KCTD2: variants seen among roughly 807,000 people sequenced by gnomAD.
The protein encoded by KCTD2 is potassium channel tetramerization domain containing 2.
In KCTD2, 18 loss-of-function variants were observed where a neutral mutation model predicts 27.9. That is an observed-to-expected ratio of 0.64 (90% CI 0.45 to 0.96). The LOEUF is 0.96. Ranked by LOEUF, KCTD2 falls within the 40% of genes least tolerant of loss-of-function variation. The pLI is 0.00. For synonymous variants in KCTD2, 175 were observed against 148.4 expected, an observed-to-expected ratio of 1.18 and a Z score of -1.30; for missense variants, 280 against 348.0, an observed-to-expected ratio of 0.80 and a Z score of 1.56.
At chr17:75,042,783 C>T, upstream of KCTD2, 1 of 1,027,956 alleles carries the variant, frequency 9.7e-7, no homozygotes, top group Non-Finnish European at 1.4e-6. Flanking sequence ...ACATGCAAGT[C>T]TTCACAAGAA....
At position 75,059,515 on chromosome 17, in the gene KCTD2, C is replaced by T. The variant is rs146827625; in HGVS notation, c.546C>T (p.Pro182=). Residue 182 remains proline, a synonymous_variant, in exon 4 of 6, where the codon CCC becomes CCT. Coordinates refer to ENST00000322444, the MANE Select transcript of KCTD2 (RefSeq NM_015353.3). ...TCTGCGCCTGGTCATTGCAGGGCCCCGTGAAGCACGTGTACAGAGTCCTGC... is the reference window on the plus strand; with the variant it reads ...TCTGCGCCTGGTCATTGCAGGGCCCTGTGAAGCACGTGTACAGAGTCCTGC... ...RDNENRTSQG[P]VKHVYRVLQC... is the part of the protein sequence containing the mutation. 1.2e-6 allele frequency: 2 copies of T among 1,611,844 alleles called. No homozygotes were observed. The highest frequency in any genetic ancestry group is 8.5e-7 in the Non-Finnish European group (1 of 1,178,556).
intron 3 of KCTD2, among the ~76,000 whole-genome samples, chr17:75,053,446 T>TG (rs2073312821): frequency 7.5e-6 from 1 of 133,158 alleles, no homozygotes; most frequent in Non-Finnish European, 1.5e-5. Context: ...TTGGCCGCTC[T>TG]TTTTTTTTTT....
In KCTD2 at chr17:75,060,702, C is replaced by A; in HGVS notation, c.636+1097C>A. 4.8e-6 allele frequency: 5 copies of A among 1,037,610 alleles called. No individual in the cohort carries two copies. In the South Asian group the frequency reaches 8.5e-5, roughly 18 times the overall value. The allele number at this position is 1,037,610 out of a possible 1,614,324, so 64.3% of individuals were successfully genotyped here. ...GTCAGGCTGCACTCAGGGTCTCGGT[C>A]GCCGCCACTCGCCACCCTGGGATCA... On this transcript the variant is annotated intron_variant, in intron 4 of 5. Transcript: ENST00000322444.
At chr17:75,056,945 C>CTTTTTTT (rs1437630711) in intron 3 of KCTD2, among the ~76,000 whole-genome samples, 2 of 128,490 alleles carry the variant, frequency 1.6e-5, no homozygotes, top group Admixed American at 8.7e-5. Flanking sequence ...CTTTTTTTTT[C>CTTTTTTT]TTTTTTCTTT....
chr17:75,060,879 G>A (rs1206589572), intron 4 of KCTD2, among the ~76,000 whole-genome samples: 1 of 152,218 alleles, frequency 6.6e-6, no homozygotes, highest in Non-Finnish European at 1.5e-5. Flanking sequence ...GTGCAAAGCT[G>A]TCTCTGCCTT....
chr17:75,033,969 A>C (rs1216824796), intron 1 of KCTD2: 1 of 152,268 alleles, frequency 6.6e-6, no homozygotes, highest in East Asian at 1.9e-4. Flanking sequence ...TTCGAGTCCC[A>C]CCTGGGGTAG....
At chr17:75,044,870 G>A (rs1474357889), upstream of KCTD2, among the ~76,000 whole-genome samples, 1 of 152,160 alleles carries the variant, frequency 6.6e-6, no homozygotes, top group Non-Finnish European at 1.5e-5. Context: ...TCAAACACCT[G>A]TCCTGTCCTT....
intron 2 of KCTD2, among the ~76,000 whole-genome samples, chr17:75,049,836 T>C (rs1167739197): frequency 3.3e-5 from 5 of 152,234 alleles, no homozygotes; most frequent in Non-Finnish European, 5.9e-5. Context: ...GGTGTATCAT[T>C]ACTTGCCTCA....
chr17:75,034,028 C>T (rs1390743392), intron 1 of KCTD2: 1 of 152,200 alleles, frequency 6.6e-6, no homozygotes, highest in Non-Finnish European at 1.5e-5. Context: ...CTCTTCCCTT[C>T]TCAGGGATGC....
chr17:75,056,372 T>TA lies in KCTD2; in HGVS notation c.541-3131dup, dbSNP rs566826511. On this transcript the variant is annotated intron_variant, in intron 3 of 5. Transcript: ENST00000322444. The stretch of plus-strand genomic sequence containing the variant: ...GCCTTATCCTCAGTTTCCCACATTC[T>TA]AAAAAAATGATTGCTTACTATAGAT... Among the ~76,000 whole-genome samples, 6 of 152,160 alleles carry TA rather than the reference T, an allele frequency of 3.9e-5. No homozygotes were observed. In the South Asian group the frequency reaches 1.0e-3, roughly 26 times the overall value.
chr17:75,062,032 TCA>T, intron 4 of KCTD2, 86 bp from the exon 5 acceptor site: 1 of 1,479,710 alleles, frequency 6.8e-7, no homozygotes, highest in Non-Finnish European at 9.3e-7. Context: ...ACTTAAAAGT[TCA>T]GTCGGAAGAG....
chr17:75,037,998 G>A (rs143909039), intron 3 of KCTD2, among the ~76,000 whole-genome samples: 21 of 152,068 alleles, frequency 1.4e-4, no homozygotes, highest in African/African-American at 3.6e-4. Context: ...GCAGTGAGCC[G>A]AGATCGTCCC....
intron 2 of KCTD2, among the ~76,000 whole-genome samples, chr17:75,034,734 C>T (rs2040098283): frequency 6.6e-6 from 1 of 151,980 alleles, no homozygotes; most frequent in African/African-American, 2.4e-5. Flanking sequence ...AAGTGCTCGG[C>T]GAGCGCAGAG....
At chr17:75,033,673 A>G (rs1483405881) in intron 1 of KCTD2, among the ~76,000 whole-genome samples, 2 of 152,220 alleles carry the variant, frequency 1.3e-5, no homozygotes, top group Admixed American at 6.5e-5. Context: ...GCAACCACCA[A>G]GCGGACCCTC....
At chr17:75,057,248 C>T (rs963930633) in intron 3 of KCTD2, among the ~76,000 whole-genome samples, 8 of 152,092 alleles carry the variant, frequency 5.3e-5, no homozygotes, top group Non-Finnish European at 1.5e-5. Context: ...GCAACCATAC[C>T]CAGACTCCTA....
At chr17:75,054,984 T>C (rs2073334836) in intron 3 of KCTD2, among the ~76,000 whole-genome samples, 1 of 152,124 alleles carries the variant, frequency 6.6e-6, no homozygotes, top group African/African-American at 2.4e-5. Flanking sequence ...CAGATACTGG[T>C]AGTAGATGCT....
intron 4 of KCTD2, among the ~76,000 whole-genome samples, chr17:75,061,359 A>G (rs1312916212): frequency 6.6e-6 from 1 of 152,232 alleles, no homozygotes; most frequent in African/African-American, 2.4e-5. Flanking sequence ...TAAAAGTACC[A>G]GCATGCTGGG....
chr17:75,046,289 G>A (rs2073215421), upstream of KCTD2, among the ~76,000 whole-genome samples: 1 of 152,106 alleles, frequency 6.6e-6, no homozygotes, highest in African/African-American at 2.4e-5. Context: ...TCACTACGTT[G>A]GCCAGGCTGG....
At chr17:75,039,106 G>A (rs548865959) in intron 3 of KCTD2, 25 of 1,612,232 alleles carry the variant, frequency 1.6e-5, no homozygotes, top group African/African-American at 2.7e-5. Flanking sequence ...AAACAGAGAC[G>A]GAAAGCAGAA....
Sources: allele counts gnomAD v4.1 joint callset (sites outside exome capture counted in the v4.1 genomes callset), GRCh38; gene constraint gnomAD v4.1.1; transcripts MANE v1.5; gene names NCBI Gene and HGNC (gene_info 2026-07-23, HGNC 2026-07-21).